The following MACROD2 variants were observed in gnomAD, a reference collection of about 807,000 sequenced individuals.
The protein encoded by MACROD2 is mono-ADP ribosylhydrolase 2, also known as ADP-ribose glycohydrolase MACROD2.
In MACROD2, 36 loss-of-function variants were observed where a neutral mutation model predicts 70.4. The ratio of observed to expected loss-of-function variants is 0.51; its 90% CI spans 0.39 to 0.68. The LOEUF is 0.68. MACROD2 is among the 30% of genes least tolerant of loss of function. The pLI is 0.00. For missense variants in MACROD2, 496 were observed against 538.4 expected, an observed-to-expected ratio of 0.92 and a Z score of 0.78; for synonymous variants, 172 against 178.8, an observed-to-expected ratio of 0.96 and a Z score of 0.30.
At chr20:14,555,533 C>T (rs748905293) in intron 4 of MACROD2, among the ~76,000 whole-genome samples, 3 of 151,952 alleles carry the variant, frequency 2.0e-5, no homozygotes, top group Admixed American at 1.3e-4. Context: ...AAACGGAGCC[C>T]ATATGTTATA....
chr20:14,257,253 A>G lies in MACROD2; in HGVS notation c.271+171525A>G, dbSNP rs146772180. Among the ~76,000 whole-genome samples the G allele has an allele frequency of 2.1e-4, 31 of 149,682 alleles. No individual in the cohort carries two copies. In the East Asian group the frequency reaches 5.4e-3, roughly 26 times the overall value. Reference sequence around the variant, plus strand: ...AATCAGAGCTTCTCTTCTCTTGGCTAGGCACCAAGGTCTAGAGGAATAATA... The same window carrying G: ...AATCAGAGCTTCTCTTCTCTTGGCTGGGCACCAAGGTCTAGAGGAATAATA... On this transcript the variant is annotated intron_variant, in intron 3 of 17. Coordinates refer to ENST00000684519, the MANE Select transcript of MACROD2 (RefSeq NM_001351661.2).
chr20:14,842,440 G>C lies in MACROD2; in HGVS notation c.418+157481G>C, dbSNP rs147750029. On this transcript the variant is annotated intron_variant, in intron 5 of 17. Transcript: ENST00000684519. Reference sequence around the variant, plus strand: ...TTCACTGAAACACTTACATGTAGAGGTATTTTCTTAAAATTGAGACCTGTC... The same window carrying C: ...TTCACTGAAACACTTACATGTAGAGCTATTTTCTTAAAATTGAGACCTGTC... Among the ~76,000 whole-genome samples the C allele has an allele frequency of 9.3e-4, 141 of 152,016 alleles. No individual in the cohort carries two copies. The Middle Eastern group carries it at 0.02, about 22-fold the overall frequency.
intron 8 of MACROD2, among the ~76,000 whole-genome samples, chr20:15,563,848 G>A (rs2048276512): frequency 6.6e-6 from 1 of 152,190 alleles, no homozygotes; most frequent in African/African-American, 2.4e-5. Context: ...GCAGGGTAAG[G>A]ATGAAGGAAT....
chr20:14,143,505 T>C (rs1046130093), intron 3 of MACROD2, among the ~76,000 whole-genome samples: 2 of 152,234 alleles, frequency 1.3e-5, no homozygotes, highest in Middle Eastern at 3.4e-3. Flanking sequence ...TGGAAATGGT[T>C]ACAAAATCTT....
chr20:15,244,547 T>G (rs951905838), intron 6 of MACROD2, among the ~76,000 whole-genome samples: 1 of 151,992 alleles, frequency 6.6e-6, no homozygotes, highest in Non-Finnish European at 1.5e-5. Flanking sequence ...CACCCCAGAT[T>G]GCTGTTTTTT....
rs142333803 is a variant in MACROD2, at chr20:15,919,054, A to G, written c.776-14222A>G. On this transcript the variant is annotated intron_variant, in intron 10 of 17. Coordinates refer to ENST00000684519, the MANE Select transcript of MACROD2 (RefSeq NM_001351661.2). ...CTTGCAGAGATCTCTCTTTTCATAG[A>G]TCACAAGGCTGCCTGATATATTTTT... Among the ~76,000 whole-genome samples the G allele has an allele frequency of 3.6e-3, 548 of 152,296 alleles. 4 individuals carry two copies. Among genetic ancestry groups the G allele is most frequent in the African/African-American group, 0.013 (526 of 41,574 alleles).
At chr20:14,222,771 G>A (rs991581533) in intron 3 of MACROD2, among the ~76,000 whole-genome samples, 1 of 145,270 alleles carries the variant, frequency 6.9e-6, no homozygotes, top group Admixed American at 7.0e-5. Context: ...GGGGGAACTC[G>A]ATTTTTGACT....
At chr20:14,598,887 T>C (rs1982308031) in intron 4 of MACROD2, among the ~76,000 whole-genome samples, 1 of 152,170 alleles carries the variant, frequency 6.6e-6, no homozygotes, top group East Asian at 1.9e-4. Context: ...ATCAGTTTGA[T>C]AGAAGAGTTA....
intron 4 of MACROD2, among the ~76,000 whole-genome samples, chr20:14,606,307 A>G (rs1042792321): frequency 3.3e-5 from 5 of 152,126 alleles, no homozygotes; most frequent in African/African-American, 1.2e-4. Context: ...TCCAAGTTTT[A>G]GGGTTTTTTA....
At chr20:15,366,767 C>T (rs1444807605) in intron 6 of MACROD2, among the ~76,000 whole-genome samples, 1 of 151,766 alleles carries the variant, frequency 6.6e-6, no homozygotes, top group Non-Finnish European at 1.5e-5. Context: ...TGCTATGTTG[C>T]CCAGGCTGGC....
At chr20:14,456,667 A>G (rs147414285) in intron 3 of MACROD2, among the ~76,000 whole-genome samples, 1 of 149,732 alleles carries the variant, frequency 6.7e-6, no homozygotes, top group South Asian at 2.1e-4. Flanking sequence ...ATGCAATTCT[A>G]GGCCTGATAG....
chr20:15,668,938 A>T (rs1600733987), intron 8 of MACROD2, among the ~76,000 whole-genome samples: 1 of 152,214 alleles, frequency 6.6e-6, no homozygotes, highest in East Asian at 1.9e-4. Flanking sequence ...TTACAGAAAG[A>T]AGGTGTATTT....
intron 6 of MACROD2, among the ~76,000 whole-genome samples, chr20:15,302,950 G>C (rs2077661356): frequency 6.6e-6 from 1 of 152,104 alleles, no homozygotes; most frequent in Non-Finnish European, 1.5e-5. Context: ...ACCTCCCTAA[G>C]CTTCAGTCCC....
chr20:14,549,586 A>C (rs1006300376), intron 4 of MACROD2, among the ~76,000 whole-genome samples: 1 of 151,284 alleles, frequency 6.6e-6, no homozygotes, highest in Non-Finnish European at 1.5e-5. Flanking sequence ...GATTACTTCT[A>C]CTTTTTTTTT....
intron 5 of MACROD2, among the ~76,000 whole-genome samples, chr20:15,062,523 A>T (rs2075541015): frequency 6.6e-6 from 1 of 151,958 alleles, no homozygotes; most frequent in South Asian, 2.1e-4. Flanking sequence ...ACTTATCATG[A>T]TACCTGTAAA....
intron 12 of MACROD2, among the ~76,000 whole-genome samples, chr20:15,947,090 G>A (rs556430846): frequency 3.9e-5 from 6 of 152,278 alleles, no homozygotes; most frequent in South Asian, 4.1e-4. Flanking sequence ...GCCACAGGGC[G>A]GTTTTTCTCC....
intron 9 of MACROD2, among the ~76,000 whole-genome samples, chr20:15,875,789 A>G (rs1341042751): frequency 6.6e-6 from 1 of 151,916 alleles, no homozygotes; most frequent in Non-Finnish European, 1.5e-5. Flanking sequence ...GACACAACTA[A>G]ATGCTAGTTG....
chr20:15,696,594 T>C (rs980372228), intron 8 of MACROD2, among the ~76,000 whole-genome samples: 16 of 152,014 alleles, frequency 1.1e-4, no homozygotes, highest in Admixed American at 3.3e-4. Context: ...TTTCTCTATC[T>C]TGTGGAATTG....
At chr20:15,762,474 C>T (rs1443694143) in intron 8 of MACROD2, among the ~76,000 whole-genome samples, 1 of 152,192 alleles carries the variant, frequency 6.6e-6, no homozygotes, top group Non-Finnish European at 1.5e-5. Flanking sequence ...CCTGTTCCTA[C>T]ACCCTTTGCC....
Sources: gnomAD v4.1 joint callset for allele counts (sites outside exome capture counted in the v4.1 genomes callset) on GRCh38, gnomAD v4.1.1 for gene constraint, MANE v1.5 for transcripts, NCBI Gene and HGNC (gene_info 2026-07-23, HGNC 2026-07-21) for gene names.